Variants in SEMA3A observed in about 807,000 individuals in gnomAD.
SEMA3A encodes semaphorin 3A, also known as semaphorin-3A.
In SEMA3A, 29 loss-of-function variants were observed where a neutral mutation model predicts 97.9. That is an observed-to-expected ratio of 0.30 (90% CI 0.22 to 0.40). SEMA3A has a LOEUF of 0.40. Ranked by LOEUF, SEMA3A falls within the 10% of genes least tolerant of loss-of-function variation. SEMA3A has a pLI of 1.00. For missense variants in SEMA3A, 763 were observed against 951.3 expected (o/e 0.80, Z 2.60); for synonymous variants, 321 against 323.7 (o/e 0.99, Z 0.09).
chr7:84,463,237 CTTTTTTTTTTTTTTT>C (rs59465422), intron 1 of SEMA3A, among the ~76,000 whole-genome samples: 19,230 of 71,846 alleles, frequency 0.27, 1,942 homozygotes, highest in Middle Eastern at 0.41. Context: ...TGTAACTATT[CTTTTTTTTTTTTTTT>C]TTTTTTTTTT....
intron 6 of SEMA3A, among the ~76,000 whole-genome samples, chr7:84,035,601 C>G (rs1449973579): frequency 6.6e-6 from 1 of 151,856 alleles, no homozygotes; most frequent in East Asian, 1.9e-4. Context: ...ATGTCTGGAT[C>G]AAGAACCATG....
intron 1 of SEMA3A, among the ~76,000 whole-genome samples, chr7:84,385,667 A>G (rs1317284409): frequency 2.0e-5 from 3 of 152,190 alleles, no homozygotes; most frequent in Non-Finnish European, 4.4e-5. Context: ...CCACACTCTT[A>G]ATCTGATCTT....
intron 4 of SEMA3A, among the ~76,000 whole-genome samples, chr7:84,108,689 T>C (rs530617089): frequency 6.6e-6 from 1 of 152,152 alleles, no homozygotes; most frequent in South Asian, 2.1e-4. Flanking sequence ...GTGGATTGCC[T>C]GAGCTAGGAG....
chr7:84,440,812 T>G (rs956627899), intron 1 of SEMA3A, among the ~76,000 whole-genome samples: 1 of 152,060 alleles, frequency 6.6e-6, no homozygotes, highest in African/African-American at 2.4e-5. Context: ...AAATGTCCAG[T>G]TTTCAACAAA....
intron 1 of SEMA3A, among the ~76,000 whole-genome samples, chr7:84,146,186 A>G (rs1562811682): frequency 6.6e-6 from 1 of 152,168 alleles, no homozygotes; most frequent in Non-Finnish European, 1.5e-5. Context: ...GAGTACACAC[A>G]TTAGTTCTCT....
intron 1 of SEMA3A, among the ~76,000 whole-genome samples, chr7:84,150,366 C>T (rs1796597128): frequency 1.3e-5 from 2 of 152,128 alleles, no homozygotes; most frequent in Non-Finnish European, 1.5e-5. Context: ...ACAGTGGGCG[C>T]AGGTCAGTGG....
intron 6 of SEMA3A, among the ~76,000 whole-genome samples, chr7:84,032,814 T>C (rs745774870): frequency 6.6e-6 from 1 of 151,820 alleles, no homozygotes; most frequent in Non-Finnish European, 1.5e-5. Flanking sequence ...AAAGTTGCTA[T>C]ATTTACATGA....
At chr7:84,246,877 T>C (rs1047194068) in intron 3 of SEMA3A, among the ~76,000 whole-genome samples, 9 of 152,050 alleles carry the variant, frequency 5.9e-5, no homozygotes, top group African/African-American at 2.2e-4. Context: ...CTATTTATAG[T>C]AGAAAATGAT....
At position 84,299,256 on chromosome 7, in the gene SEMA3A, A is replaced by AT. The variant is rs529167767; in HGVS notation, c.-83+7950dup. On this transcript the variant is annotated intron_variant, in intron 3 of 3. Coordinates refer to the SEMA3A transcript ENST00000424555. Reference sequence around the variant, plus strand: ...TAAAACAGTGTGTATATATATATATATATCTCCATATATATATCTCCATAT... The same window carrying AT: ...TAAAACAGTGTGTATATATATATATATTATCTCCATATATATATCTCCATAT... Among the ~76,000 whole-genome samples, 486 of 138,482 alleles carry AT rather than the reference A, an allele frequency of 3.5e-3. 3 individuals carry two copies. The highest frequency in any genetic ancestry group is 0.012 in the African/African-American group (467 of 37,980). The allele number at this position is 138,482 out of a possible 152,430, so 90.8% of individuals were successfully genotyped here. A position where few individuals can be genotyped will look rare whatever the true frequency, so the allele number is the denominator to read the frequency against.
intron 1 of SEMA3A, among the ~76,000 whole-genome samples, chr7:84,151,532 T>A (rs1796671482): frequency 6.6e-6 from 1 of 150,944 alleles, no homozygotes; most frequent in African/African-American, 2.4e-5. Context: ...AGAAGGGAAG[T>A]TTAGAGAAAA....
At chr7:84,208,459 G>C (rs1234553310) in intron 3 of SEMA3A, among the ~76,000 whole-genome samples, 2 of 151,752 alleles carry the variant, frequency 1.3e-5, no homozygotes, top group Non-Finnish European at 1.5e-5. Flanking sequence ...AAAAAAAAAA[G>C]AACGGAAAGA....
intron 3 of SEMA3A, among the ~76,000 whole-genome samples, chr7:84,301,235 C>T (rs1801010749): frequency 6.6e-6 from 1 of 151,922 alleles, no homozygotes; most frequent in African/African-American, 2.4e-5. Context: ...AGAAGAAAAA[C>T]ATATTGTACT....
At chr7:84,138,348 T>C (rs1204373237) in intron 1 of SEMA3A, among the ~76,000 whole-genome samples, 1 of 152,172 alleles carries the variant, frequency 6.6e-6, no homozygotes, top group Non-Finnish European at 1.5e-5. Flanking sequence ...TGTAATGGCA[T>C]TTTAAGAACA....
intron 2 of SEMA3A, among the ~76,000 whole-genome samples, chr7:84,329,435 G>C (rs1437285839): frequency 1.3e-5 from 2 of 151,938 alleles, no homozygotes; most frequent in Non-Finnish European, 2.9e-5. Context: ...GCTATTGTTA[G>C]TGTTAATATA....
At chr7:84,331,042 A>G (rs1427921359) in intron 2 of SEMA3A, among the ~76,000 whole-genome samples, 1 of 152,166 alleles carries the variant, frequency 6.6e-6, no homozygotes, top group Non-Finnish European at 1.5e-5. Flanking sequence ...TTTGAATGTC[A>G]TGACCTATGT....
intron 1 of SEMA3A, among the ~76,000 whole-genome samples, chr7:84,472,028 A>C (rs1806166914): frequency 6.6e-6 from 1 of 151,936 alleles, no homozygotes; most frequent in Non-Finnish European, 1.5e-5. Flanking sequence ...GTTTTAAGAG[A>C]CTAACTCAAT....
At chr7:84,130,385 G>C (rs1419699417) in intron 2 of SEMA3A, among the ~76,000 whole-genome samples, 1 of 152,064 alleles carries the variant, frequency 6.6e-6, no homozygotes, top group Non-Finnish European at 1.5e-5. Flanking sequence ...ATGATGACTT[G>C]ATAAATGCAT....
At chr7:84,039,665 T>A (rs1792064935) in intron 6 of SEMA3A, among the ~76,000 whole-genome samples, 1 of 152,106 alleles carries the variant, frequency 6.6e-6, no homozygotes, top group Non-Finnish European at 1.5e-5. Context: ...TAAATGATTT[T>A]TGAACAGGAG....
At chr7:84,165,986 G>T (rs1584068150) in intron 1 of SEMA3A, among the ~76,000 whole-genome samples, 1 of 152,256 alleles carries the variant, frequency 6.6e-6, no homozygotes, top group South Asian at 2.1e-4. Flanking sequence ...AGAAAGATGA[G>T]ATAGAGCCAG....
Sources: gnomAD v4.1 joint callset for allele counts (sites outside exome capture counted in the v4.1 genomes callset) on GRCh38, gnomAD v4.1.1 for gene constraint, MANE v1.5 for transcripts, NCBI Gene and HGNC (gene_info 2026-07-23, HGNC 2026-07-21) for gene names.